Variants in PTGS1 observed in about 807,000 individuals in gnomAD.
PTGS1 encodes the protein prostaglandin-endoperoxide synthase 1.
Under a neutral mutation model 63.0 loss-of-function variants are expected in PTGS1, and 40 were observed. That is an observed-to-expected ratio of 0.63 (90% confidence interval 0.49 to 0.83). PTGS1 has a LOEUF of 0.83. Among genes scored for constraint, PTGS1 ranks in the 40% least tolerant of loss-of-function variants. The pLI is 0.00. For missense variants in PTGS1, 709 were observed against 786.5 expected, an observed-to-expected ratio of 0.90 and a Z score of 1.18; for synonymous variants, 298 against 301.9, an observed-to-expected ratio of 0.99 and a Z score of 0.13.
intron 1 of PTGS1, 24 bp from the exon 2 acceptor site, chr9:122,371,162 G>T (rs771074463): frequency 1.2e-6 from 2 of 1,608,394 alleles, no homozygotes; most frequent in East Asian, 2.2e-5. Flanking sequence ...GCCAGGCTCA[G>T]CCCCTCATCT....
chr9:122,386,468 CGAGGAGTACG>C lies in PTGS1; in HGVS notation c.1033_1042del (p.Glu345CysfsTer4). 1.2e-6 allele frequency: 2 copies of C among 1,614,178 alleles called. No individual in the cohort carries two copies. Among genetic ancestry groups the C allele is most frequent in the Non-Finnish European group, 1.7e-6 (2 of 1,180,016 alleles). On this transcript the variant is annotated frameshift_variant, in exon 9 of 11. Coordinates refer to ENST00000362012, the MANE Select transcript of PTGS1 (RefSeq NM_000962.4). LOFTEE classifies it high-confidence loss of function. ...CAGGGGAGACCATCAAGATTGTCAT[CGAGGAGTACG>C]TGCAGCAGCTGAGTGGCTATTTCCT...
Position 122,381,502 on chromosome 9 carries a change from A to G in PTGS1, c.628A>G (p.Lys210Glu). Reference sequence around the variant, plus strand: ...ACAACACTTCACCCACCAGTTCTTCAAAACTTCTGGCAAGATGGGTCCTGG... The same window carrying G: ...ACAACACTTCACCCACCAGTTCTTCGAAACTTCTGGCAAGATGGGTCCTGG... ...FAQHFTHQFF[K>E]TSGKMGPGFT... Residue 210 changes from lysine (K) to glutamate (E), a missense_variant, in exon 6 of 11, where the codon AAA becomes GAA. Transcript: ENST00000362012. 1 of 1,614,194 alleles carries G rather than the reference A, an allele frequency of 6.2e-7. No homozygotes were observed. The highest frequency in any genetic ancestry group is 1.1e-5 in the South Asian group (1 of 91,084).
chr9:122,383,196 GTTTTTTTTTTCTTTTT>G (rs1382439087), intron 7 of PTGS1, among the ~76,000 whole-genome samples: 15 of 141,336 alleles, frequency 1.1e-4, no homozygotes, highest in African/African-American at 3.8e-4. Context: ...TTTTTTTTAA[GTTTTTTTTTTCTTTTT>G]TTTTTTTTTC....
chr9:122,390,456 C>T, intron 10 of PTGS1, 111 bp downstream of exon 10: 2 of 1,276,076 alleles, frequency 1.6e-6, no homozygotes, highest in Non-Finnish European at 1.1e-6. Flanking sequence ...GTGTAACAAC[C>T]AGACTTATAA....
In PTGS1 at chr9:122,371,068, AC is replaced by A; in HGVS notation, c.-13del. 2 of 1,593,666 alleles carry A rather than the reference AC, an allele frequency of 1.3e-6. No individual in the cohort carries two copies. Among genetic ancestry groups the A allele is most frequent in the Non-Finnish European group, 8.5e-7 (1 of 1,176,832 alleles). On this transcript the variant is annotated 5_prime_UTR_variant, in exon 1 of 11. Transcript: ENST00000362012. Reference sequence around the variant, plus strand: ...CAGGAGCCTGCACTCTGCGTCCCGCACCCCAGCAGCCGCGCCATGAGCCGTG... The same window carrying A: ...CAGGAGCCTGCACTCTGCGTCCCGCACCCAGCAGCCGCGCCATGAGCCGTG...
intron 3 of PTGS1, 112 bp downstream of exon 3, chr9:122,378,127 C>T (rs974656417): frequency 1.8e-6 from 2 of 1,084,494 alleles, no homozygotes; most frequent in Admixed American, 3.7e-5. Flanking sequence ...GCCCTGTTCT[C>T]CTTCCTTGCC....
intron 9 of PTGS1, among the ~76,000 whole-genome samples, chr9:122,387,169 A>G (rs145124436): frequency 6.6e-6 from 1 of 151,920 alleles, no homozygotes; most frequent in East Asian, 2.0e-4. Flanking sequence ...TTATGGGAAA[A>G]GAAGGGATGT....
In PTGS1 at chr9:122,381,821, G is replaced by C. The variant is rs368323594; in HGVS notation, c.762+74G>C. The C allele has an allele frequency of 2.3e-4, 334 of 1,468,920 alleles. 1 individual carries two copies. The highest frequency in any genetic ancestry group is 9.8e-4 in the Middle Eastern group (5 of 5,112). The allele number at this position is 1,468,920 out of a possible 1,614,324, so 91.0% of individuals were successfully genotyped here. ...TTCCCTGGCAAAGACTGCTTGGGGC[G>C]GGGGTCTGGGTCATGTCCTGAGAGG... On this transcript the variant is annotated intron_variant, in intron 7 of 10. Transcript: ENST00000362012.
In PTGS1 at chr9:122,395,037, G is replaced by A. The variant is rs10306196; in HGVS notation, c.*2493G>A. ...GGAAAGAGCACCCTCGAGAAGGGTG[G>A]ATGACAGGGCAGAGCAGGAAGGACA... On this transcript the variant is annotated 3_prime_UTR_variant, in exon 11 of 11. Transcript: ENST00000362012. The A allele has an allele frequency of 0.049, 7,523 of 152,422 alleles. 244 individuals carry two copies. Among genetic ancestry groups the A allele is most frequent in the South Asian group, 0.14 (688 of 4,822 alleles). The allele number at this position is 152,422 out of a possible 1,614,324, so 9.4% of individuals were successfully genotyped here.
intron 7 of PTGS1, 75 bp from the exon 8 acceptor site, chr9:122,383,434 G>A: frequency 6.5e-7 from 1 of 1,531,680 alleles, no homozygotes; most frequent in Non-Finnish European, 8.8e-7. Flanking sequence ...CTGGAGGCAG[G>A]AGTGGGAGGG....
intron 3 of PTGS1, 93 bp from the exon 4 acceptor site, chr9:122,378,338 ACC>A: frequency 6.4e-7 from 1 of 1,551,136 alleles, no homozygotes; most frequent in Non-Finnish European, 8.8e-7. Context: ...ACTCTGTTCC[ACC>A]CTGGCCCTTG....
At position 122,390,193 on chromosome 9, in the gene PTGS1, G is replaced by A. The variant is rs1444744780; in HGVS notation, c.1297-5G>A. On this transcript the variant is annotated splice_region_variant and splice_polypyrimidine_tract_variant and intron_variant, in intron 9 of 10. Coordinates refer to ENST00000362012, the MANE Select transcript of PTGS1 (RefSeq NM_000962.4). ...CAGACCACTGCTGTGCTTCTCTCTC[G>A]GCAGATCGGTGGGGGCAGGAACATG... 10 of 1,613,068 alleles carry A rather than the reference G, an allele frequency of 6.2e-6. No individual in the cohort carries two copies. Among genetic ancestry groups the A allele is most frequent in the Admixed American group, 3.3e-5 (2 of 59,942 alleles).
chr9:122,380,464 C>CAA (rs1212366547), intron 5 of PTGS1, among the ~76,000 whole-genome samples: 2 of 135,926 alleles, frequency 1.5e-5, no homozygotes, highest in African/African-American at 5.9e-5. Flanking sequence ...GACCCTGTCT[C>CAA]AAAAATAAAT....
intron 2 of PTGS1, 149 bp downstream of exon 2, chr9:122,371,421 G>T: frequency 2.9e-6 from 4 of 1,389,850 alleles, no homozygotes; most frequent in Non-Finnish European, 3.8e-6. Context: ...TGGTGGGATG[G>T]GGGCTCCCTG....
In PTGS1 at chr9:122,378,016, G is replaced by A. The variant is rs766882814; in HGVS notation, c.211+1G>A. The A allele has an allele frequency of 9.9e-6, 16 of 1,610,906 alleles. No homozygotes were observed. The highest frequency in any genetic ancestry group is 3.3e-5 in the South Asian group (3 of 91,074). On this transcript the variant is annotated splice_donor_variant, in intron 3 of 10. Coordinates refer to ENST00000362012, the MANE Select transcript of PTGS1 (RefSeq NM_000962.4). LOFTEE classifies it high-confidence loss of function. ...TATTCCGGCCCCAACTGCACCATCC[G>A]TGAGCTGGGCCTTCAGCCCTCACTC...
intron 2 of PTGS1, among the ~76,000 whole-genome samples, chr9:122,372,214 A>G (rs956505150): frequency 2.0e-5 from 3 of 152,064 alleles, no homozygotes; most frequent in Non-Finnish European, 4.4e-5. Context: ...GGGAGTCCGC[A>G]CTTTCTGCTG....
rs201299797 is a variant in PTGS1, at chr9:122,381,359, C to T, written c.497-12C>T. The T allele has an allele frequency of 5.0e-6, 8 of 1,612,370 alleles. No individual in the cohort carries two copies. In the African/African-American group the frequency reaches 5.3e-5, roughly 11 times the overall value. On this transcript the variant is annotated splice_polypyrimidine_tract_variant and intron_variant, in intron 5 of 10. Transcript: ENST00000362012. ...TAGGAGAAGCTACTGCTGTTTCCTACCCCCCAACCAGGGAAGAAGCAGTTG... is the reference window on the plus strand; with the variant it reads ...TAGGAGAAGCTACTGCTGTTTCCTATCCCCCAACCAGGGAAGAAGCAGTTG...
In PTGS1 at chr9:122,371,261, C is replaced by A; in HGVS notation, c.83C>A (p.Ala28Glu). The A allele has an allele frequency of 6.2e-7, 1 of 1,605,554 alleles. No homozygotes were observed. The change falls in exon 2 of 11, where the codon GCG (alanine) becomes GAG (glutamate). Residue 28 changes from alanine (A) to glutamate (E), a missense_variant. Transcript: ENST00000362012. ...CCCGTCCTGCTCGCGGACCCAGGGG[C>A]GCCCACGCCAGGTAGGCGGCCCCAT... ...PLPVLLADPG[A>E]PTPVNPCCYY...
intron 10 of PTGS1, 134 bp downstream of exon 10, chr9:122,390,479 T>A: frequency 1.8e-6 from 2 of 1,092,258 alleles, no homozygotes; most frequent in Non-Finnish European, 2.6e-6. Flanking sequence ...GGCGTGGAAG[T>A]GCTGTGCCAG....
Sources: gnomAD v4.1 joint callset for allele counts (sites outside exome capture counted in the v4.1 genomes callset) on GRCh38, gnomAD v4.1.1 for gene constraint, MANE v1.5 for transcripts, NCBI Gene and HGNC (gene_info 2026-07-23, HGNC 2026-07-21) for gene names.